The following MALRD1 variants were observed in gnomAD, a reference collection of about 807,000 sequenced individuals.
MALRD1 encodes the protein MAM and LDL-receptor class A domain-containing protein 1.
MALRD1 carries 247 observed loss-of-function variants against 242.1 expected under a neutral mutation model. The ratio of observed to expected loss-of-function variants is 1.02; its 90% CI spans 0.92 to 1.13. The LOEUF (loss-of-function observed/expected upper bound fraction) is 1.13. Ranked by LOEUF, MALRD1 falls within the 50% of genes most tolerant of loss-of-function variation. The pLI is 0.00. For synonymous variants in MALRD1, 995 were observed against 866.6 expected, an observed-to-expected ratio of 1.15 and a Z score of -2.60; for missense variants, 2,989 against 2,533.1, an observed-to-expected ratio of 1.18 and a Z score of -3.86.
chr10:19,531,432 A>G lies in MALRD1; in HGVS notation c.5478+81A>G, dbSNP rs1834412089. 3.7e-6 allele frequency: 5 copies of G among 1,353,052 alleles called. No individual in the cohort carries two copies. In the East Asian group the frequency reaches 7.9e-5, roughly 21 times the overall value. The allele number at this position is 1,353,052 out of a possible 1,614,324, so 83.8% of individuals were successfully genotyped here. On this transcript the variant is annotated intron_variant, in intron 32 of 39. Coordinates refer to ENST00000454679, the MANE Select transcript of MALRD1 (RefSeq NM_001142308.3). ...CATTGTCTTCCCTTGTCTTATTTGT[A>G]TTTTTGTTGGTCACACCGCCAGTGC...
At chr10:19,386,289 C>A (rs576886971) in intron 26 of MALRD1, among the ~76,000 whole-genome samples, 7 of 152,044 alleles carry the variant, frequency 4.6e-5, no homozygotes, top group Non-Finnish European at 1.0e-4. Flanking sequence ...ACCTCTGACC[C>A]ACATCAACCC....
intron 26 of MALRD1, among the ~76,000 whole-genome samples, chr10:19,360,607 A>C (rs1001533777): frequency 1.3e-5 from 2 of 152,090 alleles, no homozygotes; most frequent in East Asian, 1.9e-4. Flanking sequence ...ATTGTATACA[A>C]TTCTGTATGG....
In MALRD1 at chr10:19,146,317, G is replaced by A. The variant is rs936633855; in HGVS notation, c.1531G>A (p.Ala511Thr). 27 of 1,231,434 alleles carry A rather than the reference G, an allele frequency of 2.2e-5. No individual in the cohort carries two copies. Among genetic ancestry groups the A allele is most frequent in the Non-Finnish European group, 2.6e-5 (26 of 987,898 alleles). The allele number at this position is 1,231,434 out of a possible 1,614,324, so 76.3% of individuals were successfully genotyped here. Residue 511 changes from alanine (A) to threonine (T), a missense_variant, in exon 11 of 40, where the codon GCT becomes ACT. By Grantham distance (58) the Ala-to-Thr change is moderately conservative (BLOSUM62 0). Coordinates refer to ENST00000454679, the MANE Select transcript of MALRD1 (RefSeq NM_001142308.3). ...TAATGGAGAGCACCACTTTCCTGCA[G>A]CTGATCACACAGCAAACATAAATCA... ...LNNGEHHFPA[A>T]DHTANINHGS...
intron 26 of MALRD1, among the ~76,000 whole-genome samples, chr10:19,386,228 C>T (rs1032366061): frequency 3.9e-5 from 6 of 152,072 alleles, no homozygotes; most frequent in East Asian, 3.9e-4. Flanking sequence ...TATCACCAGC[C>T]GTTTCCAGCT....
chr10:19,648,252 A>G (rs980619365), intron 36 of MALRD1, among the ~76,000 whole-genome samples: 4 of 152,172 alleles, frequency 2.6e-5, no homozygotes, highest in Non-Finnish European at 5.9e-5. Flanking sequence ...TTATTAACAC[A>G]TTTCTTAGCA....
At chr10:19,524,764 C>T (rs1834027280) in intron 31 of MALRD1, among the ~76,000 whole-genome samples, 1 of 151,970 alleles carries the variant, frequency 6.6e-6, no homozygotes, top group Non-Finnish European at 1.5e-5. Flanking sequence ...TAATTTAAAG[C>T]AGGGATTGAA....
At chr10:19,303,025 C>A (rs1035414938) in intron 21 of MALRD1, among the ~76,000 whole-genome samples, 7 of 151,452 alleles carry the variant, frequency 4.6e-5, no homozygotes, top group African/African-American at 1.7e-4. Context: ...TAAAATTGAA[C>A]CCTAAAGTAA....
chr10:19,187,231 G>T (rs887782586), intron 14 of MALRD1, among the ~76,000 whole-genome samples: 1 of 152,088 alleles, frequency 6.6e-6, no homozygotes, highest in Non-Finnish European at 1.5e-5. Context: ...TCCTAGCTGG[G>T]GACAGACTGA....
intron 18 of MALRD1, among the ~76,000 whole-genome samples, chr10:19,229,581 T>C (rs1446063998): frequency 6.6e-6 from 1 of 152,184 alleles, no homozygotes; most frequent in Non-Finnish European, 1.5e-5. Flanking sequence ...AAATTTATTC[T>C]CTCGTTTAGT....
At chr10:19,118,617 G>T (rs983507987) in intron 5 of MALRD1, among the ~76,000 whole-genome samples, 1 of 152,164 alleles carries the variant, frequency 6.6e-6, no homozygotes, top group Non-Finnish European at 1.5e-5. Context: ...AAAATAGACT[G>T]TAGATGTTTC....
intron 21 of MALRD1, among the ~76,000 whole-genome samples, chr10:19,294,036 G>A (rs758365200): frequency 6.6e-6 from 1 of 152,066 alleles, no homozygotes. Context: ...GCTGTACAAG[G>A]TAAAGTTTTA....
chr10:19,288,061 G>T (rs544621926), intron 21 of MALRD1, among the ~76,000 whole-genome samples: 11 of 151,248 alleles, frequency 7.3e-5, no homozygotes, highest in Admixed American at 2.6e-4. Context: ...TTTCAAGGCC[G>T]TGTCTTTTTT....
rs1157102988 is a variant in MALRD1 at position 19,079,515 on chromosome 10, T to G, written c.341-8325T>G. ...AGGTCTAGTTGGTTTATAGAATTGC[T>G]CAAGTTTTCTATTTTCTTGCTGATC... On this transcript the variant is annotated intron_variant, in intron 2 of 39. Coordinates refer to ENST00000454679, the MANE Select transcript of MALRD1 (RefSeq NM_001142308.3). Among the ~76,000 whole-genome samples the G allele has an allele frequency of 2.6e-5, 4 of 152,040 alleles. No homozygotes were observed. In the East Asian group the frequency reaches 7.8e-4, roughly 29 times the overall value.
chr10:19,552,597 A>C (rs893190752), intron 32 of MALRD1, among the ~76,000 whole-genome samples: 6 of 151,836 alleles, frequency 4.0e-5, no homozygotes, highest in African/African-American at 7.2e-5. Context: ...TAAACATACT[A>C]AGAACACTAC....
At chr10:19,370,875 C>G (rs972884326) in intron 26 of MALRD1, among the ~76,000 whole-genome samples, 3 of 152,020 alleles carry the variant, frequency 2.0e-5, no homozygotes, top group African/African-American at 7.2e-5. Flanking sequence ...CTGCACCAGG[C>G]CCACATATTA....
At position 19,600,120 on chromosome 10, in the gene MALRD1, T is replaced by G. The variant is rs998538622; in HGVS notation, c.5944+4663T>G. On this transcript the variant is annotated intron_variant, in intron 34 of 39. Coordinates refer to ENST00000454679, the MANE Select transcript of MALRD1 (RefSeq NM_001142308.3). ...CCTGTGAAGTGCATGCCACTTCTGGTGGTTTAGAATGGTCCACATTCCTAA... is the reference window on the plus strand; with the variant it reads ...CCTGTGAAGTGCATGCCACTTCTGGGGGTTTAGAATGGTCCACATTCCTAA... Among the ~76,000 whole-genome samples the G allele has an allele frequency of 2.0e-5, 3 of 152,240 alleles. No homozygotes were observed. The East Asian group carries it at 5.8e-4, about 30-fold the overall frequency.
At chr10:19,403,847 C>CA (rs1846973315) in intron 28 of MALRD1, among the ~76,000 whole-genome samples, 1 of 151,958 alleles carries the variant, frequency 6.6e-6, no homozygotes, top group Admixed American at 6.6e-5. Context: ...CAGAAAATCC[C>CA]CAAATTATAA....
intron 28 of MALRD1, 33 bp from the exon 29 acceptor site, chr10:19,450,274 T>C (rs1835247689): frequency 6.6e-7 from 1 of 1,516,800 alleles, no homozygotes; most frequent in East Asian, 2.5e-5. Flanking sequence ...TTGTGTTTGA[T>C]TATTTCCCTC....
At chr10:19,535,496 CACATATATATACACATATAT>C (rs1834629768) in intron 32 of MALRD1, among the ~76,000 whole-genome samples, 2 of 147,964 alleles carry the variant, frequency 1.4e-5, no homozygotes, top group Admixed American at 6.8e-5. Flanking sequence ...TATACATATA[CACATATATATACACATATAT>C]ACATGTGTAT....
Sources: gnomAD v4.1 joint callset for allele counts (sites outside exome capture counted in the v4.1 genomes callset) on GRCh38, gnomAD v4.1.1 for gene constraint, MANE v1.5 for transcripts, NCBI Gene and HGNC (gene_info 2026-07-23, HGNC 2026-07-21) for gene names.